The following DIS3L2 variants were observed in gnomAD, a reference collection of about 807,000 sequenced individuals.
DIS3L2 encodes the protein DIS3-like exonuclease 2.
DIS3L2 carries 34 observed loss-of-function variants against 97.5 expected under a neutral mutation model. The ratio of observed to expected loss-of-function variants is 0.35; its 90% confidence interval spans 0.27 to 0.46. The LOEUF is 0.46. Among genes scored for constraint, DIS3L2 ranks in the 20% least tolerant of loss-of-function variants. The pLI is 1.00. For synonymous variants in DIS3L2, 435 were observed against 445.2 expected (o/e 0.98, Z 0.29); for missense variants, 1,038 against 1,146.0 (o/e 0.91, Z 1.36).
chr2:232,095,573 TTTAAG>T (rs2106317920), intron 6 of DIS3L2, among the ~76,000 whole-genome samples: 1 of 152,322 alleles, frequency 6.6e-6, no homozygotes, highest in African/African-American at 2.4e-5. Context: ...AATCTTTCTA[TTTAAG>T]GTAAGAGTAG....
intron 5 of DIS3L2, among the ~76,000 whole-genome samples, chr2:232,055,149 C>T (rs1695510651): frequency 6.6e-6 from 1 of 152,182 alleles, no homozygotes; most frequent in African/African-American, 2.4e-5. Context: ...AATGTTGAAA[C>T]AGTGAAAGCT....
chr2:232,018,038 T>G lies in DIS3L2; in HGVS notation c.210+2367T>G, dbSNP rs114401834. On this transcript the variant is annotated intron_variant, in intron 3 of 20. Transcript: ENST00000325385. The stretch of plus-strand genomic sequence containing the variant: ...CATTTATATTGAATAAATACTTACT[T>G]ACTGACTGAATAAAGGATCCAGATA... Among the ~76,000 whole-genome samples, 1,367 of 152,272 alleles carry G rather than the reference T, an allele frequency of 9.0e-3. 10 individuals carry two copies. Among genetic ancestry groups the G allele is most frequent in the Non-Finnish European group, 0.014 (966 of 68,008 alleles).
intron 10 of DIS3L2, among the ~76,000 whole-genome samples, chr2:232,225,675 C>T (rs1052502240): frequency 1.3e-5 from 2 of 151,988 alleles, no homozygotes; most frequent in African/African-American, 4.8e-5. Flanking sequence ...TGTAAAACTT[C>T]ATTGAACTGT....
chr2:232,100,462 T>C lies in DIS3L2; in HGVS notation c.601+12741T>C, dbSNP rs568300446. 7.2e-4 allele frequency among the ~76,000 whole-genome samples: 109 copies of C among 152,210 alleles called. 1 individual carries two copies. The highest frequency in any genetic ancestry group is 2.6e-3 in the African/African-American group (107 of 41,556). Reference sequence around the variant, plus strand: ...TTCCCCAAATTCTTGAGTTGAGTACTTAGCTTATTAATTTTAACTTTTCTT... The same window carrying C: ...TTCCCCAAATTCTTGAGTTGAGTACCTAGCTTATTAATTTTAACTTTTCTT... On this transcript the variant is annotated intron_variant, in intron 6 of 20. Coordinates refer to ENST00000325385, the MANE Select transcript of DIS3L2 (RefSeq NM_152383.5).
At chr2:232,330,915 T>C (rs1316078422) in intron 16 of DIS3L2, 139 bp downstream of exon 16, 7 of 887,570 alleles carry the variant, frequency 7.9e-6, no homozygotes, top group Non-Finnish European at 1.3e-5. Flanking sequence ...CTGCTCCTCC[T>C]CTGCCAGAGG....
chr2:232,217,664 A>C (rs142428299), intron 10 of DIS3L2, among the ~76,000 whole-genome samples: 1 of 152,156 alleles, frequency 6.6e-6, no homozygotes, highest in Non-Finnish European at 1.5e-5. Flanking sequence ...GAAACGCTTA[A>C]GTTTAGTGGT....
At chr2:232,061,122 A>G (rs1456149514) in intron 5 of DIS3L2, among the ~76,000 whole-genome samples, 1 of 152,138 alleles carries the variant, frequency 6.6e-6, no homozygotes, top group Non-Finnish European at 1.5e-5. Context: ...TTCCTTTCCA[A>G]TTTGGATACC....
downstream of DIS3L2, chr2:232,339,843 T>C: frequency 2.4e-6 from 1 of 408,476 alleles, no homozygotes; most frequent in South Asian, 1.7e-5. Flanking sequence ...GGAGGTCTCT[T>C]CTAGCCAGAA....
chr2:232,333,297 T>TCGC (rs1218165911), intron 16 of DIS3L2, among the ~76,000 whole-genome samples: 3 of 141,732 alleles, frequency 2.1e-5, no homozygotes, highest in Non-Finnish European at 4.6e-5. Context: ...ACCTCTGCCA[T>TCGC]CGCCACCTCC....
chr2:232,107,146 A>G (rs1264360780), intron 6 of DIS3L2, among the ~76,000 whole-genome samples: 1 of 152,186 alleles, frequency 6.6e-6, no homozygotes, highest in Non-Finnish European at 1.5e-5. Flanking sequence ...GCCCACATCA[A>G]AAAGCTAGAA....
intron 6 of DIS3L2, among the ~76,000 whole-genome samples, chr2:232,115,798 CTG>C (rs1247798613): frequency 6.6e-6 from 1 of 152,202 alleles, no homozygotes; most frequent in East Asian, 1.9e-4. Context: ...GCCTACAAAA[CTG>C]TGAGTCAATT....
At chr2:232,084,744 C>G (rs1050143295) in intron 5 of DIS3L2, among the ~76,000 whole-genome samples, 1 of 151,106 alleles carries the variant, frequency 6.6e-6, no homozygotes, top group African/African-American at 2.4e-5. Context: ...TACTCAGGGA[C>G]TGGGAACCAA....
In DIS3L2 at chr2:232,278,646, G is replaced by T. The variant is rs114250835; in HGVS notation, c.1659+15206G>T. Among the ~76,000 whole-genome samples the T allele has an allele frequency of 3.9e-3, 594 of 152,258 alleles. 5 individuals are homozygous for T. The highest frequency in any genetic ancestry group is 0.014 in the African/African-American group (563 of 41,552). ...GTCCATGTTGTTGTGTGTATCAGTG[G>T]TCATTCCCTTTTGTTGCAGAGTAGT... On this transcript the variant is annotated intron_variant, in intron 13 of 20. Coordinates refer to ENST00000325385, the MANE Select transcript of DIS3L2 (RefSeq NM_152383.5).
intron 1 of DIS3L2, among the ~76,000 whole-genome samples, chr2:232,005,021 A>G (rs985726344): frequency 8.5e-5 from 13 of 152,176 alleles, no homozygotes; most frequent in East Asian, 3.8e-4. Context: ...TAGTTCTAAC[A>G]TCTGAGTCAT....
At chr2:232,266,913 G>A (rs578171220) in intron 13 of DIS3L2, among the ~76,000 whole-genome samples, 20 of 152,282 alleles carry the variant, frequency 1.3e-4, no homozygotes, top group Middle Eastern at 3.4e-3. Context: ...CAGAATAAGC[G>A]TGTAAACCAC....
At chr2:232,219,129 C>T (rs756839508) in intron 10 of DIS3L2, among the ~76,000 whole-genome samples, 3 of 152,222 alleles carry the variant, frequency 2.0e-5, no homozygotes, top group African/African-American at 4.8e-5. Flanking sequence ...CATAAACCTC[C>T]GCAGAACTTT....
intron 8 of DIS3L2, among the ~76,000 whole-genome samples, chr2:232,160,638 G>A (rs1048522728): frequency 1.3e-5 from 2 of 152,108 alleles, no homozygotes; most frequent in Non-Finnish European, 1.5e-5. Flanking sequence ...CACTTTGGGA[G>A]GCCGAGGTGG....
intron 11 of DIS3L2, among the ~76,000 whole-genome samples, chr2:232,245,769 A>T (rs1199162686): frequency 6.6e-6 from 1 of 152,248 alleles, no homozygotes; most frequent in Non-Finnish European, 1.5e-5. Context: ...GATATAGGAT[A>T]CCACACAGTT....
In DIS3L2 at chr2:232,281,016, G is replaced by C. The variant is rs1399316449; in HGVS notation, c.1659+17576G>C. 6.6e-6 allele frequency among the ~76,000 whole-genome samples: 1 copy of C among 152,208 alleles called. No individual in the cohort carries two copies. The highest frequency in any genetic ancestry group is 2.4e-5 in the African/African-American group (1 of 41,458). ...GAATGTACAGGCCATTGGTGTGGCT[G>C]TGTCAGAGGAAGGGCTCCCAGTGGT... On this transcript the variant is annotated intron_variant, in intron 13 of 20. Coordinates refer to ENST00000325385, the MANE Select transcript of DIS3L2 (RefSeq NM_152383.5). The surrounding 1 kb of genome is among the most constrained non-coding windows in gnomAD (Gnocchi z 4.1).
Sources: gnomAD v4.1 joint callset for allele counts (sites outside exome capture counted in the v4.1 genomes callset) on GRCh38, gnomAD v4.1.1 for gene constraint, Gnocchi (gnomAD v3.1) non-coding constraint, MANE v1.5 for transcripts, NCBI Gene and HGNC (gene_info 2026-07-23, HGNC 2026-07-21) for gene names.